Variants in TSPEAR observed in about 807,000 individuals in gnomAD.
TSPEAR encodes thrombospondin type laminin G domain and EAR repeats, also known as thrombospondin-type laminin G domain and EAR repeat-containing protein.
Under a neutral mutation model 71.6 loss-of-function variants are expected in TSPEAR, and 69 were observed. That is an observed-to-expected ratio of 0.96 (90% CI 0.79 to 1.18). The LOEUF is 1.18. Ranked by LOEUF, TSPEAR falls within the 50% of genes most tolerant of loss-of-function variation. TSPEAR has a pLI of 0.00. For missense variants in TSPEAR, 971 were observed against 894.9 expected (o/e 1.09, Z -1.09); for synonymous variants, 402 against 387.2 (o/e 1.04, Z -0.45).
Position 44,634,111 on chromosome 21 carries a change from T to C in TSPEAR, c.83-66106A>G, listed in dbSNP as rs148050107. Among the ~76,000 whole-genome samples the C allele has an allele frequency of 3.9e-3, 588 of 152,300 alleles. 3 individuals are homozygous for C. The highest frequency in any genetic ancestry group is 6.6e-3 in the Non-Finnish European group (452 of 68,016). Reference sequence around the variant, plus strand: ...AATATGTTTTTTCATTAGCCAAATATAGTGGTGTGCACCTGTAGTCCCAGC... The same window carrying C: ...AATATGTTTTTTCATTAGCCAAATACAGTGGTGTGCACCTGTAGTCCCAGC... On this transcript the variant is annotated intron_variant, in intron 1 of 11. Transcript: ENST00000323084.
intron 2 of TSPEAR, chr21:44,558,751 G>T: frequency 1.3e-6 from 2 of 1,565,352 alleles, no homozygotes; most frequent in Non-Finnish European, 1.7e-6. Context: ...GGGGAGACGT[G>T]AGTGAGTGAG....
intron 1 of TSPEAR, chr21:44,601,739 TCTC>T (rs1555928910): frequency 1.2e-6 from 2 of 1,607,866 alleles, no homozygotes; most frequent in Admixed American, 1.7e-5. Flanking sequence ...TGCTGAGTGA[TCTC>T]CTTAAGATCA....
intron 7 of TSPEAR, chr21:44,526,049 T>C: frequency 2.1e-6 from 1 of 470,376 alleles, no homozygotes; most frequent in Non-Finnish European, 3.8e-6. Context: ...CTTGAAAATG[T>C]CCATATTCTT....
intron 2 of TSPEAR, among the ~76,000 whole-genome samples, chr21:44,538,786 G>T (rs1555916702): frequency 6.6e-6 from 1 of 152,198 alleles, no homozygotes; most frequent in Non-Finnish European, 1.5e-5. Context: ...GAAGACCCGG[G>T]CACAGGGGCT....
At chr21:44,535,352 C>T (rs2053070383) in intron 2 of TSPEAR, among the ~76,000 whole-genome samples, 1 of 152,036 alleles carries the variant, frequency 6.6e-6, no homozygotes, top group Non-Finnish European at 1.5e-5. Context: ...CTTGATTATA[C>T]TTATTTCCAA....
Position 44,638,721 on chromosome 21 carries a change from C to T in TSPEAR, c.83-70716G>A, listed in dbSNP as rs192649402. 2.1e-3 allele frequency among the ~76,000 whole-genome samples: 325 copies of T among 152,184 alleles called. 1 individual carries two copies. Among genetic ancestry groups the T allele is most frequent in the Middle Eastern group, 0.017 (5 of 294 alleles). Reference sequence around the variant, plus strand: ...AACCCCAGCACGTGGCCCCCCGGCCCATCTTAGGAAAGCTGCCTCTGGAAC... The same window carrying T: ...AACCCCAGCACGTGGCCCCCCGGCCTATCTTAGGAAAGCTGCCTCTGGAAC... On this transcript the variant is annotated intron_variant, in intron 1 of 11. Coordinates refer to ENST00000323084, the MANE Select transcript of TSPEAR (RefSeq NM_144991.3).
At chr21:44,504,198 G>A (rs587593997) in intron 11 of TSPEAR, among the ~76,000 whole-genome samples, 3 of 137,796 alleles carry the variant, frequency 2.2e-5, no homozygotes, top group Non-Finnish European at 4.7e-5. Flanking sequence ...CCACAGTGGG[G>A]AAGCAAGACT....
At chr21:44,624,916 G>T (rs587747019) in intron 1 of TSPEAR, among the ~76,000 whole-genome samples, 1 of 152,200 alleles carries the variant, frequency 6.6e-6, no homozygotes, top group African/African-American at 2.4e-5. Flanking sequence ...GGTGACTCCT[G>T]GTGCCCTCAA....
intron 1 of TSPEAR, among the ~76,000 whole-genome samples, chr21:44,615,163 C>T (rs1555932135): frequency 1.3e-5 from 2 of 152,254 alleles, no homozygotes; most frequent in African/African-American, 4.8e-5. Context: ...GGCGCATGTA[C>T]GTAAGCGGCA....
At chr21:44,549,924 C>T (rs1407710201) in intron 2 of TSPEAR, among the ~76,000 whole-genome samples, 1 of 152,206 alleles carries the variant, frequency 6.6e-6, no homozygotes. Flanking sequence ...TGTGAGTGTG[C>T]GCAGGAGGCC....
rs782670914 is a variant in TSPEAR, at chr21:44,666,924, G to A, written c.82+44509C>T. The A allele has an allele frequency of 2.5e-6, 4 of 1,595,770 alleles. No homozygotes were observed. In the South Asian group the frequency reaches 4.5e-5, roughly 18 times the overall value. On this transcript the variant is annotated intron_variant, in intron 1 of 11. Coordinates refer to ENST00000323084, the MANE Select transcript of TSPEAR (RefSeq NM_144991.3). ...CTGGATAAGGTCGAGGCAGAGGGCA[G>A]TGATGTCTGGGGACGGCCTCCCTGG...
At chr21:44,514,587 CACTT>C (rs1380289910) in intron 9 of TSPEAR, among the ~76,000 whole-genome samples, 10 of 152,202 alleles carry the variant, frequency 6.6e-5, no homozygotes, top group African/African-American at 1.2e-4. Flanking sequence ...GCAGCAAACT[CACTT>C]AGAAGCCAAA....
rs1555953566 is a variant in TSPEAR, at chr21:44,711,360, C to T, written c.82+73G>A. 3 of 1,378,654 alleles carry T rather than the reference C, an allele frequency of 2.2e-6. No homozygotes were observed. Among genetic ancestry groups the T allele is most frequent in the East Asian group, 2.5e-5 (1 of 40,060 alleles). 85.4% of individuals were successfully genotyped at this position (1,378,654 alleles called of 1,614,324 possible). A position where few individuals can be genotyped will look rare whatever the true frequency, so the allele number is the denominator to read the frequency against. ...GGCTTGAATCAGTGTTAGAAAGTGG[C>T]ATTTGTGACTCGACACCCCTCCCAG... On this transcript the variant is annotated intron_variant, in intron 1 of 11. Coordinates refer to ENST00000323084, the MANE Select transcript of TSPEAR (RefSeq NM_144991.3). The surrounding 1 kb of genome is among the most constrained non-coding windows in gnomAD (Gnocchi z 4.5).
Position 44,579,614 on chromosome 21 carries a change from T to C in TSPEAR, c.83-11609A>G, listed in dbSNP as rs1304164654. 5 of 1,013,598 alleles carry C rather than the reference T, an allele frequency of 4.9e-6. No individual in the cohort carries two copies. In the African/African-American group the frequency reaches 8.3e-5, roughly 17 times the overall value. 62.8% of individuals were successfully genotyped at this position (1,013,598 alleles called of 1,614,324 possible). A position where few individuals can be genotyped will look rare whatever the true frequency, so the allele number is the denominator to read the frequency against. ...GGCAGGAGCTGGGGAGCTTCGAGGA[T>C]GGAGATTCCTGGGAGTATGGAGGGG... On this transcript the variant is annotated intron_variant, in intron 1 of 11. Coordinates refer to ENST00000323084, the MANE Select transcript of TSPEAR (RefSeq NM_144991.3).
rs1008073532 is a variant in TSPEAR, at chr21:44,525,855, C to G, written c.1150-16G>C. On this transcript the variant is annotated splice_polypyrimidine_tract_variant and intron_variant, in intron 7 of 11. Coordinates refer to ENST00000323084, the MANE Select transcript of TSPEAR (RefSeq NM_144991.3). ...CCAGGAAGATCTGAAAGAGAGTAAA[C>G]CGGGACCACGTGGTTCTGCTTGGGT... 1.2e-6 allele frequency: 2 copies of G among 1,613,508 alleles called. No individual in the cohort carries two copies. Among genetic ancestry groups the G allele is most frequent in the African/African-American group, 2.7e-5 (2 of 74,872 alleles).
At chr21:44,588,568 C>G (rs985791558) in intron 1 of TSPEAR, among the ~76,000 whole-genome samples, 17 of 151,758 alleles carry the variant, frequency 1.1e-4, no homozygotes, top group Non-Finnish European at 5.9e-5. Context: ...AAAAAAGATA[C>G]TTGCTCACGC....
chr21:44,636,930 C>T (rs1216977529), intron 1 of TSPEAR, among the ~76,000 whole-genome samples: 2 of 152,228 alleles, frequency 1.3e-5, no homozygotes, highest in Non-Finnish European at 2.9e-5. Flanking sequence ...CGCCAGGAAG[C>T]GCTGTCTTCA....
chr21:44,614,892 G>C (rs1274013505), intron 1 of TSPEAR, among the ~76,000 whole-genome samples: 4 of 152,146 alleles, frequency 2.6e-5, no homozygotes, highest in Non-Finnish European at 5.9e-5. Context: ...CCCACCCAGC[G>C]GCCCAAATGG....
At chr21:44,513,487 C>G (rs1181371743) in intron 9 of TSPEAR, among the ~76,000 whole-genome samples, 1 of 152,242 alleles carries the variant, frequency 6.6e-6, no homozygotes, top group African/African-American at 2.4e-5. Flanking sequence ...CGACCAGGCA[C>G]CTGCTGGGCT....
Sources: allele counts gnomAD v4.1 joint callset (sites outside exome capture counted in the v4.1 genomes callset), GRCh38; gene constraint gnomAD v4.1.1; non-coding constraint Gnocchi (gnomAD v3.1); transcripts MANE v1.5; gene names NCBI Gene and HGNC (gene_info 2026-07-23, HGNC 2026-07-21).